Variants in FRYL observed in about 807,000 individuals in gnomAD.
FRYL encodes FRY like transcription coactivator.
Under a neutral mutation model 351.2 loss-of-function variants are expected in FRYL, and 150 were observed. The ratio of observed to expected loss-of-function variants is 0.43; its 90% CI spans 0.37 to 0.49. FRYL has a LOEUF of 0.49. FRYL is among the 20% of genes least tolerant of loss of function. The pLI, the probability that FRYL is intolerant of heterozygous loss-of-function variation, is 0.00. For missense variants in FRYL, 3,036 were observed against 3,619.3 expected, an observed-to-expected ratio of 0.84 and a Z score of 4.13; for synonymous variants, 1,153 against 1,257.1, an observed-to-expected ratio of 0.92 and a Z score of 1.75.
chr4:48,550,585 T>G lies in FRYL; in HGVS notation c.4633+7A>C. 6.5e-7 allele frequency: 1 copy of G among 1,540,690 alleles called. No homozygotes were observed. Among genetic ancestry groups the G allele is most frequent in the South Asian group, 1.1e-5 (1 of 89,590 alleles). On this transcript the variant is annotated splice_region_variant and intron_variant, in intron 38 of 63. Transcript: ENST00000358350. ...TAGTTATATTAAAAACATTTGGAATTTATTACTTTTTTCTTCTTCATAAGA... is the reference window on the plus strand; with the variant it reads ...TAGTTATATTAAAAACATTTGGAATGTATTACTTTTTTCTTCTTCATAAGA...
chr4:48,736,180 A>C (rs1172522063), intron 1 of FRYL, among the ~76,000 whole-genome samples: 1 of 152,088 alleles, frequency 6.6e-6, no homozygotes, highest in Non-Finnish European at 1.5e-5. Flanking sequence ...ATGAAAATGA[A>C]AATACAACAT....
intron 2 of FRYL, among the ~76,000 whole-genome samples, chr4:48,703,088 G>C (rs1438338066): frequency 6.6e-6 from 1 of 152,064 alleles, no homozygotes; most frequent in Non-Finnish European, 1.5e-5. Context: ...TAAAGAAAAT[G>C]ATAAAAGCTT....
chr4:48,676,637 C>T (rs189975767), intron 3 of FRYL, among the ~76,000 whole-genome samples: 49 of 152,134 alleles, frequency 3.2e-4, no homozygotes, highest in Middle Eastern at 3.4e-3. Context: ...GTGATCCGCC[C>T]GCCTCGGCCT....
rs371382414 is a variant in FRYL, at chr4:48,679,737, ACT to A, written c.-81+4934_-81+4935del. On this transcript the variant is annotated intron_variant, in intron 3 of 63. Transcript: ENST00000358350. ...GTCTGAGATGATAGATATGCTAATA[ACT>A]CTGGTAAGATCACTATACACTGTAA... is the stretch of plus-strand genomic sequence containing the variant. Among the ~76,000 whole-genome samples, 88 of 152,214 alleles carry A rather than the reference ACT, an allele frequency of 5.8e-4. 1 individual carries two copies. The East Asian group carries it at 0.015, about 26-fold the overall frequency.
At chr4:48,694,358 C>T (rs1765950018) in intron 2 of FRYL, among the ~76,000 whole-genome samples, 1 of 151,318 alleles carries the variant, frequency 6.6e-6, no homozygotes, top group African/African-American at 2.4e-5. Flanking sequence ...AATGGAATGG[C>T]GCAATCTCAA....
chr4:48,627,573 A>G (rs1353524238), intron 4 of FRYL, among the ~76,000 whole-genome samples: 2 of 152,200 alleles, frequency 1.3e-5, no homozygotes, highest in South Asian at 2.1e-4. Flanking sequence ...TGTTTTTTCC[A>G]TAAGAACTCA....
rs1735557104 is a variant in FRYL at position 48,561,769 on chromosome 4, C to CT, written c.3697-134dup. The CT allele has an allele frequency of 1.2e-5, 7 of 608,480 alleles. No homozygotes were observed. In the African/African-American group the frequency reaches 1.3e-4, roughly 11 times the overall value. The allele number at this position is 608,480 out of a possible 1,614,324, so 37.7% of individuals were successfully genotyped here. A position where few individuals can be genotyped will look rare whatever the true frequency, so the allele number is the denominator to read the frequency against. On this transcript the variant is annotated intron_variant, in intron 32 of 63. Transcript: ENST00000358350. ...GTGGCTTATGCCTGTAATCTCAATA[C>CT]TTTGGAAGGCAGAGGTGGGAGGATC...
chr4:48,584,849 A>C (rs1206749401), intron 19 of FRYL, among the ~76,000 whole-genome samples: 1 of 152,236 alleles, frequency 6.6e-6, no homozygotes, highest in Non-Finnish European at 1.5e-5. Flanking sequence ...TAAGATTTAG[A>C]CAGCACAATT....
In FRYL at chr4:48,563,129, T is replaced by C. The variant is rs558789382; in HGVS notation, c.3597-141A>G. ...AGGAGACTTGGTTTTTTCAAGGCAATAGGTACAACAACAGATGCATGGTGA... is the reference window on the plus strand; with the variant it reads ...AGGAGACTTGGTTTTTTCAAGGCAACAGGTACAACAACAGATGCATGGTGA... On this transcript the variant is annotated intron_variant, in intron 31 of 63. Coordinates refer to ENST00000358350, the MANE Select transcript of FRYL (RefSeq NM_015030.2). 45 of 579,002 alleles carry C rather than the reference T, an allele frequency of 7.8e-5. 1 individual carries two copies. The South Asian group carries it at 1.1e-3, about 15-fold the overall frequency. The allele number at this position is 579,002 out of a possible 1,614,324, so 35.9% of individuals were successfully genotyped here.
At chr4:48,569,561 G>T (rs1737773318) in intron 27 of FRYL, among the ~76,000 whole-genome samples, 2 of 152,162 alleles carry the variant, frequency 1.3e-5, no homozygotes, top group African/African-American at 4.8e-5. Context: ...GCCTCCCAAA[G>T]TGCTGGGATT....
chr4:48,519,510 T>A (rs202180479), intron 55 of FRYL, among the ~76,000 whole-genome samples: 2 of 121,628 alleles, frequency 1.6e-5, no homozygotes, highest in Admixed American at 1.7e-4. Context: ...TTTTTTTTAA[T>A]TTTTTATTTT....
Position 48,527,541 on chromosome 4 carries a change from C to A in FRYL, c.7253G>T (p.Ser2418Ile). Residue 2418 changes from serine (S) to isoleucine (I), a missense_variant, in exon 53 of 64, where the codon AGT becomes ATT. Ser to Ile is a moderately radical substitution (Grantham distance 142). Transcript: ENST00000358350. Reference sequence around the variant, plus strand: ...CTTAAAAACACCAAACTGTTGTTCACTGCTATTATCTTCCACAGCTACTTC... The same window carrying A: ...CTTAAAAACACCAAACTGTTGTTCAATGCTATTATCTTCCACAGCTACTTC... ...EEEVAVEDNS[S>I]EQQFGVFKDF... The A allele has an allele frequency of 6.2e-7, 1 of 1,613,168 alleles. No individual in the cohort carries two copies. The highest frequency in any genetic ancestry group is 8.5e-7 in the Non-Finnish European group (1 of 1,179,398).
intron 1 of FRYL, among the ~76,000 whole-genome samples, chr4:48,731,087 C>T (rs1034616153): frequency 7.3e-5 from 11 of 151,446 alleles, no homozygotes; most frequent in Non-Finnish European, 1.3e-4. Context: ...TCTGATAAAA[C>T]AGACTTTAAA....
intron 47 of FRYL, among the ~76,000 whole-genome samples, chr4:48,536,481 ATGTT>A (rs552537282): frequency 1.4e-3 from 219 of 152,218 alleles, no homozygotes; most frequent in African/African-American, 5.2e-3. Flanking sequence ...ACTGACTCTC[ATGTT>A]TGTTTGATAC....
intron 3 of FRYL, among the ~76,000 whole-genome samples, chr4:48,672,751 C>T (rs752781975): frequency 6.6e-6 from 1 of 152,118 alleles, no homozygotes; most frequent in Non-Finnish European, 1.5e-5. Context: ...GTGTCAGAAA[C>T]CTCAACTCAA....
chr4:48,643,302 G>A (rs1184294674), intron 3 of FRYL, among the ~76,000 whole-genome samples: 1 of 152,166 alleles, frequency 6.6e-6, no homozygotes, highest in Non-Finnish European at 1.5e-5. Context: ...GTGAGATGAT[G>A]AGAAAAGACA....
chr4:48,641,960 ACTTATTTGAG>A (rs1755429321), intron 3 of FRYL, among the ~76,000 whole-genome samples: 1 of 152,062 alleles, frequency 6.6e-6, no homozygotes, highest in Non-Finnish European at 1.5e-5. Context: ...TCCAATTGTA[ACTTATTTGAG>A]CTACTGATAC....
chr4:48,697,195 A>C (rs12650421), intron 2 of FRYL, among the ~76,000 whole-genome samples: 31,785 of 151,858 alleles, frequency 0.21, 4,003 homozygotes, highest in Middle Eastern at 0.31. Flanking sequence ...ACAGTAAAAG[A>C]CATTTCTTAT....
chr4:48,727,193 G>C (rs77370698), intron 1 of FRYL, among the ~76,000 whole-genome samples: 2,117 of 151,938 alleles, frequency 0.014, 23 homozygotes, highest in Non-Finnish European at 0.024. Context: ...CTCCAGAAAG[G>C]AATACTGTAT....
Sources: allele counts gnomAD v4.1 joint callset (sites outside exome capture counted in the v4.1 genomes callset), GRCh38; gene constraint gnomAD v4.1.1; transcripts MANE v1.5; gene names NCBI Gene and HGNC (gene_info 2026-07-23, HGNC 2026-07-21).